Variants in EXD3 observed in about 807,000 individuals in gnomAD.
EXD3 encodes the protein exonuclease mut-7 homolog.
A neutral mutation model predicts 98.0 loss-of-function variants in EXD3; 92 were observed. That is an observed-to-expected ratio of 0.94 (90% confidence interval 0.79 to 1.12). The LOEUF (loss-of-function observed/expected upper bound fraction) is 1.12. Ranked by LOEUF, EXD3 falls within the 50% of genes most tolerant of loss-of-function variation. The probability of loss-of-function intolerance (pLI) is 0.00; values close to 1 mark genes in which losing one functional copy is unlikely to be tolerated. For missense variants in EXD3, 1,222 were observed against 1,191.6 expected, an observed-to-expected ratio of 1.03 and a Z score of -0.38; for synonymous variants, 569 against 526.0, an observed-to-expected ratio of 1.08 and a Z score of -1.12.
At chr9:137,330,533 A>C (rs1223908194) in intron 17 of EXD3, among the ~76,000 whole-genome samples, 1 of 143,958 alleles carries the variant, frequency 6.9e-6, no homozygotes, top group Non-Finnish European at 1.5e-5. Context: ...CACAGGAGCT[A>C]TACAGGAGCT....
intron 1 of EXD3, among the ~76,000 whole-genome samples, chr9:137,406,245 A>G (rs1837706694): frequency 6.6e-6 from 1 of 151,844 alleles, no homozygotes; most frequent in African/African-American, 2.4e-5. Flanking sequence ...AAAGAAAAGA[A>G]AAGAAAAGGA....
chr9:137,326,982 G>A (rs780692237), intron 17 of EXD3, among the ~76,000 whole-genome samples: 1 of 151,754 alleles, frequency 6.6e-6, no homozygotes, highest in Non-Finnish European at 1.5e-5. Flanking sequence ...CTTACGACAC[G>A]CCGAGTGAAA....
At chr9:137,404,589 G>A (rs1388636236) in intron 1 of EXD3, among the ~76,000 whole-genome samples, 6 of 152,228 alleles carry the variant, frequency 3.9e-5, no homozygotes, top group African/African-American at 9.6e-5. Flanking sequence ...GGCCAGGCGC[G>A]GTGGCTCATG....
At chr9:137,362,184 T>C (rs181339542) in intron 7 of EXD3, among the ~76,000 whole-genome samples, 1 of 152,296 alleles carries the variant, frequency 6.6e-6, no homozygotes, top group East Asian at 1.9e-4. Flanking sequence ...ATTTTTCTGA[T>C]ACCAAAAGTA....
chr9:137,410,633 G>T (rs1837949054), intron 1 of EXD3, among the ~76,000 whole-genome samples: 1 of 150,974 alleles, frequency 6.6e-6, no homozygotes, highest in East Asian at 2.0e-4. Flanking sequence ...TTGTTCCCTG[G>T]CCCCACGATC....
rs780059893 is a variant in EXD3, at chr9:137,395,315, G to A, written c.43C>T (p.Arg15Cys). The change falls in exon 2 of 22, where the codon CGC becomes TGC. Residue 15 changes from arginine to cysteine, a missense_variant. By Grantham distance (180) the Arg-to-Cys change is radical (BLOSUM62 -3). Coordinates refer to ENST00000340951, the MANE Select transcript of EXD3 (RefSeq NM_017820.5). This position sits in a 1 kb window ranked among gnomAD's most constrained non-coding sequence, Gnocchi z 6.5. Reference sequence around the variant, plus strand: ...GGCTCAGACTCACCCATGCGGTGGCGCTCGCCAGCGGCAGGGTCACCAGCG... The same window carrying A: ...GGCTCAGACTCACCCATGCGGTGGCACTCGCCAGCGGCAGGGTCACCAGCG... ...DPAGDPAAGE[R>C]HRMGRDPLLL... 18 of 1,613,180 alleles carry A rather than the reference G, an allele frequency of 1.1e-5. No homozygotes were observed. Among genetic ancestry groups the A allele is most frequent in the Middle Eastern group, 1.6e-4 (1 of 6,082 alleles).
intron 1 of EXD3, among the ~76,000 whole-genome samples, chr9:137,417,258 G>A (rs1223042907): frequency 6.6e-6 from 1 of 152,222 alleles, no homozygotes; most frequent in Non-Finnish European, 1.5e-5. Context: ...CAGGGACGGG[G>A]ATGGCCAGTT....
Position 137,344,866 on chromosome 9 carries a change from A to G in EXD3, c.1998+3205T>C, listed in dbSNP as rs185235058. Among the ~76,000 whole-genome samples the G allele has an allele frequency of 4.0e-5, 6 of 151,852 alleles. No homozygotes were observed. In the East Asian group the frequency reaches 1.2e-3, roughly 29 times the overall value. ...AGAAACAGGCCAGGCTGCACCTTCC[A>G]CTGTCTGGAGATCTCCTCAGCTGAA... On this transcript the variant is annotated intron_variant, in intron 17 of 21. Coordinates refer to ENST00000340951, the MANE Select transcript of EXD3 (RefSeq NM_017820.5).
chr9:137,365,692 A>G (rs755201525), intron 7 of EXD3: 2 of 268,488 alleles, frequency 7.4e-6, no homozygotes, highest in Non-Finnish European at 1.5e-5. Context: ...GCACACATGC[A>G]CACACGTACA....
chr9:137,380,394 CT>C (rs1836180644), intron 3 of EXD3, among the ~76,000 whole-genome samples: 4 of 86,378 alleles, frequency 4.6e-5, no homozygotes, highest in Non-Finnish European at 9.8e-5. Context: ...GGTATCCCCC[CT>C]CCTCCCCAAC....
chr9:137,329,247 AG>A (rs1338766933), intron 17 of EXD3, among the ~76,000 whole-genome samples: 5 of 4,600 alleles, frequency 1.1e-3, no homozygotes, highest in Non-Finnish European at 1.2e-3. Flanking sequence ...GCTACACGGG[AG>A]CTACACGGGG....
rs1357425720 is a variant in EXD3, at chr9:137,385,028, G to C, written c.56-1651C>G. Among the ~76,000 whole-genome samples the C allele has an allele frequency of 6.6e-6, 1 of 152,144 alleles. No individual in the cohort carries two copies. The highest frequency in any genetic ancestry group is 1.9e-4 in the East Asian group (1 of 5,186). ...AACAGCATGAACCCGGGAGGCGGAG[G>C]TCGCAGTGAGCCGAGATCGGGCCAC... On this transcript the variant is annotated intron_variant, in intron 2 of 21. Transcript: ENST00000340951. This position sits in a 1 kb window ranked among gnomAD's most constrained non-coding sequence, Gnocchi z 4.4.
At chr9:137,330,260 A>T (rs1832958912) in intron 17 of EXD3, among the ~76,000 whole-genome samples, 1 of 142,250 alleles carries the variant, frequency 7.0e-6, no homozygotes, top group Admixed American at 6.9e-5. Context: ...ACAGGGCTCC[A>T]CAGGAGCTAC....
intron 19 of EXD3, among the ~76,000 whole-genome samples, chr9:137,314,508 C>A (rs1359855167): frequency 6.6e-5 from 10 of 152,152 alleles, no homozygotes; most frequent in Non-Finnish European, 1.3e-4. Flanking sequence ...CTGGTAGCCA[C>A]CCGCTCAGTG....
chr9:137,385,092 A>T lies in EXD3; in HGVS notation c.56-1715T>A, dbSNP rs1179778968. On this transcript the variant is annotated intron_variant, in intron 2 of 21. Coordinates refer to ENST00000340951, the MANE Select transcript of EXD3 (RefSeq NM_017820.5). This position sits in a 1 kb window ranked among gnomAD's most constrained non-coding sequence, Gnocchi z 4.4. ...GGGCAACAGAGCGAGACTCCGTCTC[A>T]GACAAAAACCAAAAAACCATAAAAC... 1.3e-5 allele frequency among the ~76,000 whole-genome samples: 2 copies of T among 152,146 alleles called. No individual in the cohort carries two copies. Among genetic ancestry groups the T allele is most frequent in the Admixed American group, 6.5e-5 (1 of 15,278 alleles).
intron 17 of EXD3, among the ~76,000 whole-genome samples, chr9:137,340,644 C>T (rs1010578650): frequency 7.2e-5 from 11 of 151,976 alleles, no homozygotes; most frequent in Admixed American, 1.3e-4. Context: ...CATCCCACCT[C>T]GGTCCCCCAG....
At position 137,420,740 on chromosome 9, in the gene EXD3, C is replaced by A. The variant is rs1038716162; in HGVS notation, c.-48+2374G>T. 5.6e-4 allele frequency among the ~76,000 whole-genome samples: 81 copies of A among 145,766 alleles called. 7 individuals are homozygous for A. The highest frequency in any genetic ancestry group is 9.6e-4 in the Non-Finnish European group (62 of 64,872). On this transcript the variant is annotated intron_variant, in intron 1 of 21. Transcript: ENST00000340951. ...GGGACCTGGAGGACAGACATTCACC[C>A]CCCCCCCCAAATTCATACAGGTATT...
intron 17 of EXD3, among the ~76,000 whole-genome samples, chr9:137,328,771 G>A (rs866798472): frequency 4.6e-3 from 47 of 10,296 alleles, no homozygotes; most frequent in South Asian, 0.016. Context: ...ACTACACGGG[G>A]CTACACGGGA....
At chr9:137,313,943 G>T (rs1290411880) in intron 19 of EXD3, among the ~76,000 whole-genome samples, 1 of 152,186 alleles carries the variant, frequency 6.6e-6, no homozygotes, top group Non-Finnish European at 1.5e-5. Context: ...ACTGTGTGCG[G>T]AGATCCTCAC....
Sources: allele counts gnomAD v4.1 joint callset (sites outside exome capture counted in the v4.1 genomes callset), GRCh38; gene constraint gnomAD v4.1.1; non-coding constraint Gnocchi (gnomAD v3.1); transcripts MANE v1.5; gene names NCBI Gene and HGNC (gene_info 2026-07-23, HGNC 2026-07-21).